The following ADAM11 variants were observed in gnomAD, a reference collection of about 807,000 sequenced individuals.
ADAM11 encodes the protein disintegrin and metalloproteinase domain-containing protein 11.
Under a neutral mutation model 119.1 loss-of-function variants are expected in ADAM11, and 49 were observed. That is an observed-to-expected ratio of 0.41 (90% CI 0.33 to 0.52). The LOEUF is 0.52. ADAM11 is among the 20% of genes least tolerant of loss of function. The pLI is 0.20. For missense variants in ADAM11, 777 were observed against 1,047.5 expected (o/e 0.74, Z 3.56); for synonymous variants, 364 against 408.0 (o/e 0.89, Z 1.30).
chr17:44,780,061 C>A lies in ADAM11; in HGVS notation c.*307C>A. 2 of 681,554 alleles carry A rather than the reference C, an allele frequency of 2.9e-6. No individual in the cohort carries two copies. Among genetic ancestry groups the A allele is most frequent in the East Asian group, 2.8e-5 (1 of 35,774 alleles). 42.2% of individuals were successfully genotyped at this position (681,554 alleles called of 1,614,324 possible). On this transcript the variant is annotated 3_prime_UTR_variant, in exon 27 of 27. Coordinates refer to ENST00000200557, the MANE Select transcript of ADAM11 (RefSeq NM_002390.6). ...GGATTGCCACAGCTCAACTCGGGGG[C>A]GCCTGGAGGGATGCCCCCAGGCAGC...
Position 44,780,837 on chromosome 17 carries a change from T to C in ADAM11, c.*1083T>C, listed in dbSNP as rs991365797. 6.5e-6 allele frequency: 1 copy of C among 152,918 alleles called. No homozygotes were observed. The highest frequency in any genetic ancestry group is 1.5e-5 in the Non-Finnish European group (1 of 68,290). 9.5% of individuals were successfully genotyped at this position (152,918 alleles called of 1,614,324 possible). On this transcript the variant is annotated 3_prime_UTR_variant, in exon 27 of 27. Transcript: ENST00000200557. ...TGCTAGAAGTCCTTAAGGCCCCATC[T>C]AGTCCATTCCACTCCCTACCCCCAT...
chr17:44,771,824 C>A lies in ADAM11; in HGVS notation c.536C>A (p.Ala179Asp). Residue 179 changes from alanine to aspartate, a missense_variant, in exon 6 of 27, where the codon GCC becomes GAC. Around this residue, in one of 4 missense-constraint regions of ADAM11, gnomAD observed 278 missense variants for 310.1 expected, o/e 0.90. Coordinates refer to ENST00000200557, the MANE Select transcript of ADAM11 (RefSeq NM_002390.6). The part of the protein sequence containing the change: ...EPQEVAGPWG[A>D]PQGPLPHLIY... ...CAAGAGGTGGCTGGACCTTGGGGAG[C>A]CCCTCAGGTAAGCCCCACACAACCC... 6.2e-7 allele frequency: 1 copy of A among 1,610,538 alleles called. No homozygotes were observed. The highest frequency in any genetic ancestry group is 8.5e-7 in the Non-Finnish European group (1 of 1,177,236).
chr17:44,779,954 C>G lies in ADAM11; in HGVS notation c.*200C>G, dbSNP rs1415016226. 8 of 777,180 alleles carry G rather than the reference C, an allele frequency of 1.0e-5. No individual in the cohort carries two copies. The highest frequency in any genetic ancestry group is 1.8e-5 in the Non-Finnish European group (8 of 453,500). The allele number at this position is 777,180 out of a possible 1,614,324, so 48.1% of individuals were successfully genotyped here. A position where few individuals can be genotyped will look rare whatever the true frequency, so the allele number is the denominator to read the frequency against. On this transcript the variant is annotated 3_prime_UTR_variant, in exon 27 of 27. Transcript: ENST00000200557. ...CAGGGTGGACCAGGCCTGGAGGGCACTTCCTCCACAGTCCCCCACCCACCT... is the reference window on the plus strand; with the variant it reads ...CAGGGTGGACCAGGCCTGGAGGGCAGTTCCTCCACAGTCCCCCACCCACCT...
chr17:44,774,217 G>T (rs1312149410), intron 11 of ADAM11, 78 bp from the exon 12 acceptor site: 3 of 928,928 alleles, frequency 3.2e-6, no homozygotes, highest in Non-Finnish European at 4.7e-6. Context: ...AGTGTGAGGG[G>T]CTCCCCAAGG....
At chr17:44,762,527 A>C (rs545519271) in intron 2 of ADAM11, among the ~76,000 whole-genome samples, 1 of 152,184 alleles carries the variant, frequency 6.6e-6, no homozygotes, top group African/African-American at 2.4e-5. Flanking sequence ...TTTTTGCCTT[A>C]ACTTACTGCC....
At chr17:44,759,642 GA>G in intron 1 of ADAM11, 79 bp from the exon 2 acceptor site, 1 of 1,306,276 alleles carries the variant, frequency 7.7e-7, no homozygotes, top group Non-Finnish European at 9.8e-7. Context: ...CAGAGTGGGG[GA>G]TGAGGCATGC....
Position 44,774,505 on chromosome 17 carries a change from G to A in ADAM11, c.1091G>A (p.Gly364Glu). ...GGGVNEYGNM[G>E]AMAVTLAQTL... ...CCCCACCCCCAGTACGGCAACATGG[G>A]GGCGATGGCCGTGACCCTTGCCCAG... The change falls in exon 13 of 27, where the codon GGG (glycine) becomes GAG (glutamate). Residue 364 changes from glycine to glutamate, a missense_variant. By Grantham distance (98) the Gly-to-Glu change is moderately conservative (BLOSUM62 -2). Around this residue, in one of 4 missense-constraint regions of ADAM11, gnomAD observed 147 missense variants for 223.3 expected, o/e 0.66. Transcript: ENST00000200557. The A allele has an allele frequency of 6.2e-7, 1 of 1,613,136 alleles. No individual in the cohort carries two copies. The highest frequency in any genetic ancestry group is 1.1e-5 in the South Asian group (1 of 91,042).
chr17:44,765,485 A>C (rs1371067724), intron 2 of ADAM11, among the ~76,000 whole-genome samples: 1 of 152,156 alleles, frequency 6.6e-6, no homozygotes, highest in Non-Finnish European at 1.5e-5. Context: ...AGTTCCTCAA[A>C]GCCCTGTTCA....
rs1292660406 is a variant in ADAM11, at chr17:44,759,024, C to T, written c.-176C>T. ...GCCGCCCCGCCGGGATGGCCGCGGC[C>T]GGAGCGCGCTGAGCCCCGGCGCCGT... On this transcript the variant is annotated 5_prime_UTR_variant, in exon 1 of 27. Coordinates refer to ENST00000200557, the MANE Select transcript of ADAM11 (RefSeq NM_002390.6). 1 of 170,860 alleles carries T rather than the reference C, an allele frequency of 5.9e-6. No homozygotes were observed. The highest frequency in any genetic ancestry group is 1.7e-4 in the South Asian group (1 of 5,776). 10.6% of individuals were successfully genotyped at this position (170,860 alleles called of 1,614,324 possible).
At chr17:44,770,315 G>A (rs934217234) in intron 4 of ADAM11, among the ~76,000 whole-genome samples, 3 of 152,094 alleles carry the variant, frequency 2.0e-5, no homozygotes, top group South Asian at 2.1e-4. Context: ...CACTCGTTCC[G>A]AGCAGGCTGC....
chr17:44,763,503 G>T (rs1174984111), intron 2 of ADAM11, among the ~76,000 whole-genome samples: 1 of 152,220 alleles, frequency 6.6e-6, no homozygotes, highest in East Asian at 1.9e-4. Flanking sequence ...TAGGCCTGAG[G>T]CCCAGAGAAG....
Position 44,775,699 on chromosome 17 carries a change from CG to C in ADAM11, c.1485+27del, listed in dbSNP as rs1361614609. 1 of 1,556,100 alleles carries C rather than the reference CG, an allele frequency of 6.4e-7. No individual in the cohort carries two copies. The highest frequency in any genetic ancestry group is 8.7e-7 in the Non-Finnish European group (1 of 1,154,110). On this transcript the variant is annotated intron_variant, in intron 17 of 26. Coordinates refer to ENST00000200557, the MANE Select transcript of ADAM11 (RefSeq NM_002390.6). This position sits in a 1 kb window ranked among gnomAD's most constrained non-coding sequence, Gnocchi z 7.5. ...AAGGTAAGCAGGACCGGCCGGGAGG[CG>C]GGGCCAGGACGCAGGAGGAGCGATT...
chr17:44,778,744 A>G (rs1333223811), intron 25 of ADAM11, among the ~76,000 whole-genome samples: 3 of 151,270 alleles, frequency 2.0e-5, no homozygotes, highest in Non-Finnish European at 4.4e-5. Flanking sequence ...AGAAAAGAGA[A>G]AAGAAATCAG....
At position 44,775,086 on chromosome 17, in the gene ADAM11, G is replaced by A. The variant is rs2049580381; in HGVS notation, c.1221-126G>A. ...GGCGGGAGGATTCTGGTGCAATCCC[G>A]GGGCAGATCCTCCGCCTCCTCGCGA... On this transcript the variant is annotated intron_variant, in intron 14 of 26. Transcript: ENST00000200557. The surrounding 1 kb of genome is among the most constrained non-coding windows in gnomAD (Gnocchi z 7.5). The A allele has an allele frequency of 1.2e-6, 1 of 860,084 alleles. No individual in the cohort carries two copies. The highest frequency in any genetic ancestry group is 1.9e-6 in the Non-Finnish European group (1 of 537,390). 53.3% of individuals were successfully genotyped at this position (860,084 alleles called of 1,614,324 possible).
Position 44,772,160 on chromosome 17 carries a change from G to A in ADAM11, c.544-107G>A. On this transcript the variant is annotated intron_variant, in intron 6 of 26. Transcript: ENST00000200557. The surrounding 1 kb of genome is among the most constrained non-coding windows in gnomAD (Gnocchi z 4.5). ...CGACATGGGAGCTGTGGCCAGTTCT[G>A]GGTCACCCCAGGGTGGGGTGGAGGC... The A allele has an allele frequency of 9.1e-7, 1 of 1,096,002 alleles. No individual in the cohort carries two copies. Among genetic ancestry groups the A allele is most frequent in the Non-Finnish European group, 1.3e-6 (1 of 755,814 alleles). 67.9% of individuals were successfully genotyped at this position (1,096,002 alleles called of 1,614,324 possible).
At chr17:44,759,416 T>C in intron 1 of ADAM11, 156 bp downstream of exon 1, 1 of 1,255,282 alleles carries the variant, frequency 8.0e-7, no homozygotes, top group Non-Finnish European at 1.0e-6. Flanking sequence ...GGAAGGTGCG[T>C]CCACCCACCT....
At chr17:44,763,841 C>T (rs1465528563) in intron 2 of ADAM11, among the ~76,000 whole-genome samples, 3 of 151,960 alleles carry the variant, frequency 2.0e-5, no homozygotes, top group Non-Finnish European at 2.9e-5. Flanking sequence ...CTCAGCCTCC[C>T]GAGTAGCTGG....
chr17:44,759,223 G>A lies in ADAM11; in HGVS notation c.24G>A (p.Ala8=), dbSNP rs1384657861. 2 of 1,436,646 alleles carry A rather than the reference G, an allele frequency of 1.4e-6. No individual in the cohort carries two copies. Among genetic ancestry groups the A allele is most frequent in the African/African-American group, 1.5e-5 (1 of 66,998 alleles). 89.0% of individuals were successfully genotyped at this position (1,436,646 alleles called of 1,614,324 possible). MRLLRRW[A]FAALLLSLLP... ...CCATGAGGCTGCTGCGGCGCTGGGC[G>A]TTCGCGGCTCTGCTGCTGTCGCTGC... Residue 8 remains alanine, a synonymous_variant, in exon 1 of 27, where the codon GCG becomes GCA. Transcript: ENST00000200557.
At chr17:44,763,092 C>T (rs1211521166) in intron 2 of ADAM11, among the ~76,000 whole-genome samples, 2 of 152,210 alleles carry the variant, frequency 1.3e-5, no homozygotes. Flanking sequence ...GCTATGGTTG[C>T]ACCACTGCAC....
Sources: allele counts gnomAD v4.1 joint callset (sites outside exome capture counted in the v4.1 genomes callset), GRCh38; gene constraint gnomAD v4.1.1; regional missense constraint gnomAD v4.1.1; non-coding constraint Gnocchi (gnomAD v3.1); transcripts MANE v1.5; gene names NCBI Gene and HGNC (gene_info 2026-07-23, HGNC 2026-07-21).